The following ENTREP2 variants were observed in gnomAD, a reference collection of about 807,000 sequenced individuals.
ENTREP2 encodes endosomal transmembrane epsin interactor 2.
the ENTREP2 span, among the ~76,000 whole-genome samples, chr15:29,254,953 G>T: frequency 6.6e-6 from 1 of 152,180 alleles, no homozygotes; most frequent in East Asian, 1.9e-4. Context: ...AGGGGAGTGA[G>T]TTTGAGTCAT....
the ENTREP2 span, among the ~76,000 whole-genome samples, chr15:29,619,594 A>G: frequency 1.3e-5 from 2 of 152,164 alleles, no homozygotes; most frequent in Admixed American, 1.3e-4. Context: ...GGACAGACAC[A>G]GTACTGAAAA....
the ENTREP2 span, among the ~76,000 whole-genome samples, chr15:29,569,345 T>C: frequency 6.6e-6 from 1 of 152,176 alleles, no homozygotes; most frequent in African/African-American, 2.4e-5. Flanking sequence ...GATCTTATGG[T>C]AAAAGCCATG....
At chr15:29,372,710 A>G in the ENTREP2 span, among the ~76,000 whole-genome samples, 5 of 152,356 alleles carry the variant, frequency 3.3e-5, no homozygotes, top group African/African-American at 9.6e-5. Flanking sequence ...ATATGTGAAA[A>G]TAAGTCATTT....
the ENTREP2 span, among the ~76,000 whole-genome samples, chr15:29,131,919 C>T: frequency 1.2e-4 from 3 of 25,900 alleles, no homozygotes; most frequent in East Asian, 0.022. Flanking sequence ...CAGCCTCAAA[C>T]CACAGGAAAG....
the ENTREP2 span, among the ~76,000 whole-genome samples, chr15:29,502,951 AC>A: frequency 0.035 from 5,367 of 152,080 alleles, 331 homozygotes; most frequent in African/African-American, 0.12. Context: ...GGAAAAAAAA[AC>A]CAGAAAATAA....
the ENTREP2 span, among the ~76,000 whole-genome samples, chr15:29,472,673 C>A: frequency 6.6e-6 from 1 of 152,112 alleles, no homozygotes; most frequent in African/African-American, 2.4e-5. Flanking sequence ...CCATGTTGGC[C>A]AGGCTGGTCT....
chr15:29,183,020 A>G, the ENTREP2 span, among the ~76,000 whole-genome samples: 1 of 152,206 alleles, frequency 6.6e-6, no homozygotes. Flanking sequence ...TAAAACTTCC[A>G]TGAAAATACA....
chr15:29,338,529 A>T, the ENTREP2 span, among the ~76,000 whole-genome samples: 3 of 152,062 alleles, frequency 2.0e-5, no homozygotes. Context: ...GCCTGAACAA[A>T]GAGCACGGAT....
At chr15:29,277,033 T>C in the ENTREP2 span, among the ~76,000 whole-genome samples, 1 of 152,198 alleles carries the variant, frequency 6.6e-6, no homozygotes, top group East Asian at 1.9e-4. Context: ...TATGAAGAAC[T>C]GTACTTTTCC....
At chr15:29,569,949 A>T in the ENTREP2 span, 1 of 151,858 alleles carries the variant, frequency 6.6e-6, no homozygotes, top group Non-Finnish European at 1.5e-5. Flanking sequence ...AAGTCCCCGA[A>T]GCCAAGTCAG....
the ENTREP2 span, among the ~76,000 whole-genome samples, chr15:29,280,201 C>T: frequency 6.6e-6 from 1 of 152,160 alleles, no homozygotes; most frequent in Non-Finnish European, 1.5e-5. Flanking sequence ...TCTCTGAAAA[C>T]GTGTAAATCA....
chr15:29,357,985 G>T, the ENTREP2 span, among the ~76,000 whole-genome samples: 1 of 152,034 alleles, frequency 6.6e-6, no homozygotes, highest in Non-Finnish European at 1.5e-5. Context: ...CGGAACACTT[G>T]GGGCACCTAC....
chr15:29,389,942 G>A, the ENTREP2 span, among the ~76,000 whole-genome samples: 1 of 152,198 alleles, frequency 6.6e-6, no homozygotes, highest in African/African-American at 2.4e-5. Context: ...ACTGACACAG[G>A]TCCAAATACG....
At chr15:29,137,243 TTG>T in the ENTREP2 span, 2 of 1,424,344 alleles carry the variant, frequency 1.4e-6, no homozygotes, top group South Asian at 1.5e-5. Flanking sequence ...CTTGTGTGGC[TTG>T]TGTCTCATTA....
At chr15:29,120,497 G>C in the ENTREP2 span, 1 of 152,172 alleles carries the variant, frequency 6.6e-6, no homozygotes, top group Non-Finnish European at 1.5e-5. Context: ...TCCAGCCAAG[G>C]GAGACCTGAA....
At chr15:29,501,871 T>C in the ENTREP2 span, among the ~76,000 whole-genome samples, 4 of 152,048 alleles carry the variant, frequency 2.6e-5, no homozygotes, top group African/African-American at 9.6e-5. Flanking sequence ...TGTATTTGTA[T>C]ACACACAATG....
chr15:29,269,406 G>T, the ENTREP2 span: 2 of 1,614,152 alleles, frequency 1.2e-6, no homozygotes, highest in Admixed American at 1.7e-5. Flanking sequence ...TCTTCTTCTG[G>T]TCTTTAATCA....
the ENTREP2 span, among the ~76,000 whole-genome samples, chr15:29,385,208 T>C: frequency 3.3e-5 from 5 of 152,210 alleles, no homozygotes; most frequent in Non-Finnish European, 5.9e-5. Flanking sequence ...GGAATTTCAC[T>C]GGAAGTACAT....
At chr15:29,636,621 C>T in the ENTREP2 span, among the ~76,000 whole-genome samples, 10 of 152,356 alleles carry the variant, frequency 6.6e-5, no homozygotes, top group African/African-American at 2.4e-4. Flanking sequence ...TGATACGACG[C>T]TCCTGCCACC....
Sources: gnomAD v4.1 joint callset for allele counts (sites outside exome capture counted in the v4.1 genomes callset) on GRCh38, gnomAD v4.1.1 for gene constraint, MANE v1.5 for transcripts, NCBI Gene and HGNC (gene_info 2026-07-23, HGNC 2026-07-21) for gene names.